RNF214: variants seen among roughly 807,000 people sequenced by gnomAD.
The protein encoded by RNF214 is ring finger protein 214.
Under a neutral mutation model 75.9 loss-of-function variants are expected in RNF214, and 25 were observed. The observed-to-expected ratio is 0.33, with a 90% CI of 0.24 to 0.46. RNF214 has a LOEUF of 0.46. RNF214 is among the 20% of genes least tolerant of loss of function. The probability of loss-of-function intolerance (pLI) is 1.00; values close to 1 mark genes in which losing one functional copy is unlikely to be tolerated. For synonymous variants in RNF214, 314 were observed against 308.8 expected, an observed-to-expected ratio of 1.02 and a Z score of -0.18; for missense variants, 725 against 857.5, an observed-to-expected ratio of 0.85 and a Z score of 1.93.
chr11:117,283,310 A>G lies in RNF214; in HGVS notation c.2046+100A>G, dbSNP rs115589960. On this transcript the variant is annotated intron_variant, in intron 14 of 14. Coordinates refer to ENST00000300650, the MANE Select transcript of RNF214 (RefSeq NM_207343.4). ...CTACTCTTTTTTTTCCCTGACAGCT[A>G]AAATAACTTTTCTTTTACTGTGTTG... 3.1e-3 allele frequency: 2,414 copies of G among 781,528 alleles called. 36 individuals carry two copies. In the African/African-American group the frequency reaches 0.035, roughly 11 times the overall value. 48.4% of individuals were successfully genotyped at this position (781,528 alleles called of 1,614,324 possible). A position where few individuals can be genotyped will look rare whatever the true frequency, so the allele number is the denominator to read the frequency against.
intron 6 of RNF214, among the ~76,000 whole-genome samples, chr11:117,258,403 G>T (rs780512386): frequency 6.6e-6 from 1 of 151,876 alleles, no homozygotes; most frequent in Non-Finnish European, 1.5e-5. Flanking sequence ...GACACCACAC[G>T]AGGTCTTATT....
chr11:117,252,416 G>A (rs1451914888), intron 6 of RNF214, among the ~76,000 whole-genome samples: 1 of 152,172 alleles, frequency 6.6e-6, no homozygotes, highest in Non-Finnish European at 1.5e-5. Context: ...GAAAATTAGG[G>A]AAATAATGGG....
Position 117,253,467 on chromosome 11 carries a change from A to G in RNF214, c.959+6519A>G, listed in dbSNP as rs75887845. On this transcript the variant is annotated intron_variant, in intron 6 of 14. Transcript: ENST00000300650. Reference sequence around the variant, plus strand: ...GTTCTCAGCTTTTATCCTTCAGGTTATTGCTGGCATTAGAAAGGTGAGGTT... The same window carrying G: ...GTTCTCAGCTTTTATCCTTCAGGTTGTTGCTGGCATTAGAAAGGTGAGGTT... Among the ~76,000 whole-genome samples the G allele has an allele frequency of 5.6e-3, 855 of 152,230 alleles. 9 individuals are homozygous for G. The highest frequency in any genetic ancestry group is 8.9e-3 in the Non-Finnish European group (607 of 68,016).
intron 6 of RNF214, 118 bp downstream of exon 6, chr11:117,247,066 A>G: frequency 1.3e-6 from 1 of 791,338 alleles, no homozygotes; most frequent in East Asian, 2.7e-5. Flanking sequence ...AAACAAGTGT[A>G]CAAGTAAAAA....
intron 5 of RNF214, among the ~76,000 whole-genome samples, chr11:117,246,375 A>G (rs2033227352): frequency 6.6e-6 from 1 of 152,104 alleles, no homozygotes; most frequent in South Asian, 2.1e-4. Flanking sequence ...TAAAGAGTAA[A>G]ACAAACAAAA....
chr11:117,235,560 G>A (rs777280865), intron 2 of RNF214, among the ~76,000 whole-genome samples: 1 of 145,008 alleles, frequency 6.9e-6, no homozygotes, highest in Non-Finnish European at 1.5e-5. Context: ...GTGCAATGGC[G>A]TGAACCCAGC....
intron 8 of RNF214, 138 bp from the exon 9 acceptor site, chr11:117,281,176 A>T: frequency 1.6e-6 from 1 of 612,016 alleles, no homozygotes; most frequent in Non-Finnish European, 3.0e-6. Flanking sequence ...GTTTAGCCAC[A>T]TTGCCCAGGC....
At chr11:117,253,152 A>G (rs1046911275) in intron 6 of RNF214, among the ~76,000 whole-genome samples, 1 of 152,188 alleles carries the variant, frequency 6.6e-6, no homozygotes, top group Non-Finnish European at 1.5e-5. Flanking sequence ...AGCTGGGACT[A>G]CAGGTGTGCA....
chr11:117,281,724 T>A, intron 10 of RNF214, 26 bp downstream of exon 10: 9 of 1,572,860 alleles, frequency 5.7e-6, no homozygotes, highest in Non-Finnish European at 7.9e-6. Context: ...TGGGGGGAAG[T>A]TCACCTTTCT....
intron 6 of RNF214, among the ~76,000 whole-genome samples, chr11:117,263,182 A>G (rs1038865226): frequency 6.6e-6 from 1 of 151,660 alleles, no homozygotes; most frequent in African/African-American, 2.4e-5. Flanking sequence ...ATACACATAC[A>G]TTTATGATTG....
At chr11:117,251,177 C>G (rs1324246188) in intron 6 of RNF214, among the ~76,000 whole-genome samples, 1 of 147,634 alleles carries the variant, frequency 6.8e-6, no homozygotes, top group African/African-American at 2.5e-5. Flanking sequence ...CTCCTCACTT[C>G]CCAGTAGGGG....
Position 117,277,383 on chromosome 11 carries a change from G to A in RNF214, c.960-2525G>A, listed in dbSNP as rs2034034272. 3.3e-5 allele frequency among the ~76,000 whole-genome samples: 5 copies of A among 152,126 alleles called. No homozygotes were observed. In the South Asian group the frequency reaches 1.0e-3, roughly 32 times the overall value. ...TCTGCTAGGAAGTTAATTTGGGGAA[G>A]CAATACCTGGAGATTAAGGCAGAAA... On this transcript the variant is annotated intron_variant, in intron 6 of 14. Coordinates refer to ENST00000300650, the MANE Select transcript of RNF214 (RefSeq NM_207343.4).
intron 6 of RNF214, among the ~76,000 whole-genome samples, chr11:117,263,583 T>A (rs1010793738): frequency 1.3e-5 from 2 of 152,028 alleles, no homozygotes; most frequent in East Asian, 1.9e-4. Flanking sequence ...AGAAAAAAAA[T>A]TTTAATTATG....
At chr11:117,277,834 G>A (rs540091655) in intron 6 of RNF214, among the ~76,000 whole-genome samples, 7 of 151,986 alleles carry the variant, frequency 4.6e-5, no homozygotes, top group African/African-American at 1.2e-4. Context: ...AATTAGCTGC[G>A]CATGGTGGTG....
intron 6 of RNF214, among the ~76,000 whole-genome samples, chr11:117,251,498 C>T (rs2033390491): frequency 1.4e-5 from 2 of 139,916 alleles, no homozygotes; most frequent in African/African-American, 2.8e-5. Flanking sequence ...CACCTCCCTC[C>T]CGGACGGGGC....
chr11:117,261,851 G>T lies in RNF214; in HGVS notation c.959+14903G>T, dbSNP rs190893987. On this transcript the variant is annotated intron_variant, in intron 6 of 14. Transcript: ENST00000300650. Reference sequence around the variant, plus strand: ...AGTAGAGACGAGGTTTCACCATGTTGGCCAGGCTGGTCTCGATCTCCTGAC... The same window carrying T: ...AGTAGAGACGAGGTTTCACCATGTTTGCCAGGCTGGTCTCGATCTCCTGAC... Among the ~76,000 whole-genome samples, 362 of 151,880 alleles carry T rather than the reference G, an allele frequency of 2.4e-3. 1 individual carries two copies. Among genetic ancestry groups the T allele is most frequent in the African/African-American group, 8.5e-3 (353 of 41,454 alleles).
At chr11:117,279,340 T>C (rs1180169512) in intron 6 of RNF214, among the ~76,000 whole-genome samples, 2 of 146,602 alleles carry the variant, frequency 1.4e-5, no homozygotes, top group African/African-American at 5.1e-5. Flanking sequence ...TTTTTTTTTT[T>C]TTTTTTTTTG....
At chr11:117,273,907 A>G (rs2033959746) in intron 6 of RNF214, among the ~76,000 whole-genome samples, 1 of 152,190 alleles carries the variant, frequency 6.6e-6, no homozygotes, top group African/African-American at 2.4e-5. Flanking sequence ...TTTCACTGCT[A>G]TGCAGGATCT....
chr11:117,265,042 T>C (rs944311053), intron 6 of RNF214, among the ~76,000 whole-genome samples: 1 of 150,620 alleles, frequency 6.6e-6, no homozygotes, highest in African/African-American at 2.5e-5. Flanking sequence ...CACTCCAGCT[T>C]GGGCAACAGA....
Sources: gnomAD v4.1 joint callset for allele counts (sites outside exome capture counted in the v4.1 genomes callset) on GRCh38, gnomAD v4.1.1 for gene constraint, MANE v1.5 for transcripts, NCBI Gene and HGNC (gene_info 2026-07-23, HGNC 2026-07-21) for gene names.